Variants in VPS13D observed in about 807,000 individuals in gnomAD.
VPS13D encodes intermembrane lipid transfer protein VPS13D.
A neutral mutation model predicts 461.9 loss-of-function variants in VPS13D; 187 were observed. The observed-to-expected ratio is 0.40, with a 90% CI of 0.36 to 0.46. The LOEUF is 0.46. VPS13D is among the 20% of genes least tolerant of loss of function. The pLI, the probability that VPS13D is intolerant of heterozygous loss-of-function variation, is 0.60. For missense variants in VPS13D, 4,711 were observed against 5,364.9 expected, an observed-to-expected ratio of 0.88 and a Z score of 3.81; for synonymous variants, 1,951 against 1,986.3, an observed-to-expected ratio of 0.98 and a Z score of 0.47.
chr1:12,267,081 A>G, intron 14 of VPS13D, 70 bp downstream of exon 14: 22 of 1,401,312 alleles, frequency 1.6e-5, no homozygotes, highest in Non-Finnish European at 2.1e-5. Flanking sequence ...TAGGCAAATG[A>G]TAACTGATTC....
rs976082302 is a variant in VPS13D, at chr1:12,299,924, T to G, written c.6216+540T>G. Among the ~76,000 whole-genome samples, 2 of 151,890 alleles carry G rather than the reference T, an allele frequency of 1.3e-5. No homozygotes were observed. The highest frequency in any genetic ancestry group is 2.9e-5 in the Non-Finnish European group (2 of 67,978). On this transcript the variant is annotated intron_variant, in intron 25 of 69. Coordinates refer to ENST00000620676, the MANE Select transcript of VPS13D (RefSeq NM_015378.4). The surrounding 1 kb of genome is among the most constrained non-coding windows in gnomAD (Gnocchi z 4.2). ...ACCTTTTTTTTTTTTTCAACTTTTG[T>G]TTTAGATACAGGGGGTACATGTGCA...
intron 41 of VPS13D, 144 bp from the exon 42 acceptor site, chr1:12,342,755 A>G: frequency 1.1e-6 from 1 of 902,490 alleles, no homozygotes; most frequent in African/African-American, 1.6e-5. Context: ...GCGACCCTCA[A>G]GGTCATTCTT....
intron 2 of VPS13D, among the ~76,000 whole-genome samples, chr1:12,235,940 A>G (rs61045685): frequency 0.012 from 1,900 of 152,358 alleles, 36 homozygotes; most frequent in African/African-American, 0.043. Flanking sequence ...TGGTTCTGTC[A>G]GGAATCATGT....
intron 6 of VPS13D, among the ~76,000 whole-genome samples, chr1:12,253,350 A>C (rs760732827): frequency 6.6e-6 from 1 of 151,854 alleles, no homozygotes; most frequent in Admixed American, 6.6e-5. Flanking sequence ...CCTGGAACCA[A>C]CTCCCTGCTG....
At chr1:12,269,010 T>C in intron 16 of VPS13D, 134 bp downstream of exon 16, 2 of 968,272 alleles carry the variant, frequency 2.1e-6, no homozygotes, top group South Asian at 4.0e-5. Flanking sequence ...GTCAATAGGG[T>C]TGCCCTGTCC....
intron 60 of VPS13D, among the ~76,000 whole-genome samples, chr1:12,390,113 A>G (rs578115456): frequency 1.1e-3 from 161 of 152,226 alleles, no homozygotes; most frequent in Non-Finnish European, 1.7e-3. Context: ...CTCTGGAACT[A>G]AGACCTCTAA....
chr1:12,388,573 CAG>C (rs759614580), intron 60 of VPS13D, among the ~76,000 whole-genome samples: 168 of 140,378 alleles, frequency 1.2e-3, no homozygotes, highest in Non-Finnish European at 1.9e-3. Flanking sequence ...ACTCTTGTCT[CAG>C]GGGGAAAAAA....
At chr1:12,480,316 A>G (rs1264643358) in intron 67 of VPS13D, among the ~76,000 whole-genome samples, 1 of 152,232 alleles carries the variant, frequency 6.6e-6, no homozygotes, top group African/African-American at 2.4e-5. Flanking sequence ...AGACTGTCCC[A>G]GGTGCATGTG....
At chr1:12,342,346 A>C (rs1309337115) in intron 41 of VPS13D, among the ~76,000 whole-genome samples, 1 of 152,228 alleles carries the variant, frequency 6.6e-6, no homozygotes, top group African/African-American at 2.4e-5. Context: ...AATTGGGTGG[A>C]GTTTGGAGAA....
chr1:12,279,666 G>T lies in VPS13D; in HGVS notation c.4602+16G>T, dbSNP rs762753654. On this transcript the variant is annotated intron_variant, in intron 20 of 69. Transcript: ENST00000620676. This position sits in a 1 kb window ranked among gnomAD's most constrained non-coding sequence, Gnocchi z 4.3. ...TCCAGTTCAGGTAAATTCATGTCAG[G>T]GCAGTTGAAGTCATATGTTTATATT... 3 of 1,599,436 alleles carry T rather than the reference G, an allele frequency of 1.9e-6. No homozygotes were observed. The African/African-American group carries it at 4.0e-5, about 21-fold the overall frequency.
At chr1:12,302,247 T>G (rs1448907348) in intron 25 of VPS13D, among the ~76,000 whole-genome samples, 1 of 152,242 alleles carries the variant, frequency 6.6e-6, no homozygotes, top group African/African-American at 2.4e-5. Context: ...GGTGCACAAC[T>G]GTATTTATTT....
chr1:12,269,877 ATGGT>A (rs1260807429), intron 16 of VPS13D, among the ~76,000 whole-genome samples: 1 of 152,186 alleles, frequency 6.6e-6, no homozygotes. Flanking sequence ...GCCAGGCACA[ATGGT>A]TCATACCTGT....
In VPS13D at chr1:12,318,105, T is replaced by C; in HGVS notation, c.7182T>C (p.Val2394=). The C allele has an allele frequency of 6.2e-7, 1 of 1,614,002 alleles. No individual in the cohort carries two copies. Among genetic ancestry groups the C allele is most frequent in the East Asian group, 2.2e-5 (1 of 44,880 alleles). ...AGGATTCCTCCTGCTTTACAGTAGTTCTCAACAATCTCCGTGTGTTTCTCA... is the reference window on the plus strand; with the variant it reads ...AGGATTCCTCCTGCTTTACAGTAGTCCTCAACAATCTCCGTGTGTTTCTCA... ...STKDSSCFTV[V]LNNLRVFLIF... Residue 2394 remains valine, a synonymous_variant, in exon 31 of 70, where the codon GTT becomes GTC. Transcript: ENST00000620676.
chr1:12,425,562 T>TAAA (rs79970313), intron 65 of VPS13D, among the ~76,000 whole-genome samples: 4 of 142,650 alleles, frequency 2.8e-5, no homozygotes, highest in African/African-American at 1.0e-4. Context: ...GTTTCTGTCT[T>TAAA]AAAAAAAAAA....
intron 55 of VPS13D, among the ~76,000 whole-genome samples, chr1:12,375,874 G>A (rs1644191741): frequency 6.6e-6 from 1 of 151,700 alleles, no homozygotes. Context: ...ACACACACAA[G>A]CCCCATGGAG....
intron 65 of VPS13D, among the ~76,000 whole-genome samples, chr1:12,427,240 ATTTTATTATTATTAT>A (rs1236094856): frequency 7.3e-5 from 10 of 137,778 alleles, no homozygotes; most frequent in Admixed American, 2.2e-4. Context: ...TATTGTCATT[ATTTTATTATTATTAT>A]TATTATTATT....
chr1:12,381,428 A>G (rs1475479362), intron 57 of VPS13D, among the ~76,000 whole-genome samples: 1 of 152,080 alleles, frequency 6.6e-6, no homozygotes, highest in Non-Finnish European at 1.5e-5. Flanking sequence ...AATCCTGTAG[A>G]CTCGATTTAC....
intron 2 of VPS13D, among the ~76,000 whole-genome samples, chr1:12,237,741 C>T (rs748969324): frequency 2.0e-5 from 3 of 151,952 alleles, no homozygotes; most frequent in Non-Finnish European, 4.4e-5. Context: ...GTGGGAGGAT[C>T]GCTTGAGCCC....
rs527680983 is a variant in VPS13D at position 12,281,871 on chromosome 1, TA to T, written c.4603-828del. On this transcript the variant is annotated intron_variant, in intron 20 of 69. Transcript: ENST00000620676. ...CTGTTAAAAATTGCCCTTCATTAAA[TA>T]AAAAACTTGCCTGAAAATTTTTTTT... is the stretch of plus-strand genomic sequence containing the variant. Among the ~76,000 whole-genome samples the T allele has an allele frequency of 2.8e-3, 427 of 152,076 alleles. 2 individuals are homozygous for T. The highest frequency in any genetic ancestry group is 4.5e-3 in the Non-Finnish European group (304 of 67,964).
Sources: gnomAD v4.1 joint callset for allele counts (sites outside exome capture counted in the v4.1 genomes callset) on GRCh38, gnomAD v4.1.1 for gene constraint, Gnocchi (gnomAD v3.1) non-coding constraint, MANE v1.5 for transcripts, NCBI Gene and HGNC (gene_info 2026-07-23, HGNC 2026-07-21) for gene names.